Variants in SERPINI1 observed in about 807,000 individuals in gnomAD.
SERPINI1 encodes the protein neuroserpin.
A neutral mutation model predicts 41.1 loss-of-function variants in SERPINI1; 19 were observed. The observed-to-expected ratio is 0.46, with a 90% CI of 0.32 to 0.68. SERPINI1 has a LOEUF of 0.68. SERPINI1 is among the 30% of genes least tolerant of loss of function. SERPINI1 has a pLI of 0.03. For synonymous variants in SERPINI1, 138 were observed against 156.6 expected, an observed-to-expected ratio of 0.88 and a Z score of 0.89; for missense variants, 460 against 479.2, an observed-to-expected ratio of 0.96 and a Z score of 0.37.
intron 6 of SERPINI1, among the ~76,000 whole-genome samples, chr3:167,812,580 G>A (rs1711930010): frequency 6.6e-6 from 1 of 152,030 alleles, no homozygotes. Context: ...TCATATTATT[G>A]TTATTTATGT....
chr3:167,744,859 A>AT (rs386398485), intron 1 of SERPINI1, among the ~76,000 whole-genome samples: 6 of 73,714 alleles, frequency 8.1e-5, no homozygotes, highest in Admixed American at 2.4e-4. Context: ...ATAGTTATAT[A>AT]TATATATAAA....
At position 167,792,532 on chromosome 3, in the gene SERPINI1, T is replaced by TC. The variant is rs989770824; in HGVS notation, c.482-53dup. On this transcript the variant is annotated intron_variant, in intron 3 of 8. Transcript: ENST00000446050. ...AGATGGTGATTTGAAAATCTTCTGG[T>TC]CCCCCTTGATCTTCCAGTTTAACAT... 10 of 1,422,938 alleles carry TC rather than the reference T, an allele frequency of 7.0e-6. No individual in the cohort carries two copies. The South Asian group carries it at 8.3e-5, about 12-fold the overall frequency. 88.1% of individuals were successfully genotyped at this position (1,422,938 alleles called of 1,614,324 possible).
At chr3:167,747,786 A>G (rs1177243862) in intron 1 of SERPINI1, among the ~76,000 whole-genome samples, 1 of 152,224 alleles carries the variant, frequency 6.6e-6, no homozygotes, top group Non-Finnish European at 1.5e-5. Context: ...TATGGAAGAT[A>G]GAATTATGAG....
chr3:167,821,623 A>T (rs1008192865), intron 6 of SERPINI1, among the ~76,000 whole-genome samples: 11 of 152,170 alleles, frequency 7.2e-5, no homozygotes, highest in African/African-American at 2.7e-4. Context: ...TGGTAGCACA[A>T]GCCAAGTGCA....
At chr3:167,815,029 C>T (rs1338577022) in intron 6 of SERPINI1, among the ~76,000 whole-genome samples, 3 of 152,188 alleles carry the variant, frequency 2.0e-5, no homozygotes, top group Non-Finnish European at 1.5e-5. Context: ...GTGTAAGTCT[C>T]CTTCATACCC....
intron 1 of SERPINI1, among the ~76,000 whole-genome samples, chr3:167,778,393 G>T (rs1265188321): frequency 6.6e-6 from 1 of 152,174 alleles, no homozygotes; most frequent in African/African-American, 2.4e-5. Context: ...CAAAGGCTAT[G>T]GTTTGTAAGG....
chr3:167,820,048 G>A (rs1712256872), intron 6 of SERPINI1, among the ~76,000 whole-genome samples: 1 of 152,170 alleles, frequency 6.6e-6, no homozygotes, highest in Non-Finnish European at 1.5e-5. Context: ...CAGGCTGAGT[G>A]GCTTAAAAAA....
chr3:167,773,893 T>G (rs1726874582), intron 1 of SERPINI1, among the ~76,000 whole-genome samples: 1 of 152,178 alleles, frequency 6.6e-6, no homozygotes, highest in South Asian at 2.1e-4. Context: ...GTTTATAAAG[T>G]AACGTACATA....
chr3:167,759,498 C>T (rs1328118757), intron 1 of SERPINI1, among the ~76,000 whole-genome samples: 1 of 150,874 alleles, frequency 6.6e-6, no homozygotes, highest in African/African-American at 2.4e-5. Flanking sequence ...AGCCAGAGGC[C>T]TAATATTATC....
intron 3 of SERPINI1, among the ~76,000 whole-genome samples, chr3:167,791,189 A>G (rs574762754): frequency 6.6e-6 from 1 of 152,210 alleles, no homozygotes; most frequent in South Asian, 2.1e-4. Flanking sequence ...AATGTTTCAT[A>G]TTTTAGCATT....
chr3:167,770,533 A>G (rs1292593277), intron 1 of SERPINI1, among the ~76,000 whole-genome samples: 2 of 151,696 alleles, frequency 1.3e-5, no homozygotes, highest in African/African-American at 4.8e-5. Context: ...GGTATTCTTA[A>G]TTTTTTCTAC....
At chr3:167,768,350 A>G (rs1479960526) in intron 1 of SERPINI1, among the ~76,000 whole-genome samples, 2 of 152,226 alleles carry the variant, frequency 1.3e-5, no homozygotes, top group African/African-American at 4.8e-5. Context: ...TGCACACTTA[A>G]TGGATTACAG....
intron 1 of SERPINI1, among the ~76,000 whole-genome samples, chr3:167,768,776 G>C (rs1726645303): frequency 6.6e-6 from 1 of 152,302 alleles, no homozygotes; most frequent in East Asian, 1.9e-4. Context: ...GATGGTTGAA[G>C]GGCATCATCA....
chr3:167,819,838 T>A (rs1712248728), intron 6 of SERPINI1, among the ~76,000 whole-genome samples: 1 of 152,234 alleles, frequency 6.6e-6, no homozygotes, highest in African/African-American at 2.4e-5. Flanking sequence ...ACAAAGTTAT[T>A]TATCTGAAAT....
intron 1 of SERPINI1, among the ~76,000 whole-genome samples, chr3:167,785,084 T>C (rs1330896685): frequency 6.6e-6 from 1 of 151,958 alleles, no homozygotes; most frequent in Non-Finnish European, 1.5e-5. Context: ...CTACTAAAAA[T>C]ACAAAAATTA....
chr3:167,803,245 G>A (rs932258650), intron 5 of SERPINI1, among the ~76,000 whole-genome samples: 7 of 151,172 alleles, frequency 4.6e-5, no homozygotes, highest in Non-Finnish European at 1.0e-4. Flanking sequence ...CCTGCACATT[G>A]TGCACATGTA....
In SERPINI1 at chr3:167,772,885, TATATATATACACACAC is replaced by T. The variant is rs1213228953; in HGVS notation, c.-18-16224_-18-16209del. On this transcript the variant is annotated intron_variant, in intron 1 of 8. Transcript: ENST00000446050. ...CTCTCTATATATATATATATATATA[TATATATATACACACAC>T]ACACACACACACACACACACATGCA... Among the ~76,000 whole-genome samples, 46 of 74,200 alleles carry T rather than the reference TATATATATACACACAC, an allele frequency of 6.2e-4. 1 individual carries two copies. The highest frequency in any genetic ancestry group is 1.7e-3 in the African/African-American group (28 of 16,264). The allele number at this position is 74,200 out of a possible 152,430, so 48.7% of individuals were successfully genotyped here.
At chr3:167,762,535 C>G (rs1328318680) in intron 1 of SERPINI1, among the ~76,000 whole-genome samples, 11 of 152,110 alleles carry the variant, frequency 7.2e-5, no homozygotes, top group Admixed American at 5.9e-4. Context: ...CTCAGCCTCC[C>G]CATTCCACCT....
At chr3:167,771,669 A>C (rs535897268) in intron 1 of SERPINI1, among the ~76,000 whole-genome samples, 2 of 152,364 alleles carry the variant, frequency 1.3e-5, no homozygotes, top group East Asian at 3.9e-4. Flanking sequence ...AATAAATGAC[A>C]GGTTAACATC....
Sources: allele counts gnomAD v4.1 joint callset (sites outside exome capture counted in the v4.1 genomes callset), GRCh38; gene constraint gnomAD v4.1.1; transcripts MANE v1.5; gene names NCBI Gene and HGNC (gene_info 2026-07-23, HGNC 2026-07-21).